Variants in WWOX observed in about 807,000 individuals in gnomAD.
The protein encoded by WWOX is WW domain containing oxidoreductase, also known as WW domain-containing oxidoreductase.
A neutral mutation model predicts 46.2 loss-of-function variants in WWOX; 69 were observed. The ratio of observed to expected loss-of-function variants is 1.49; its 90% CI spans 1.23 to 1.82. The LOEUF (loss-of-function observed/expected upper bound fraction) is 1.82, where lower values mean the gene tolerates loss of function less well. Among genes scored for constraint, WWOX ranks in the 40% most tolerant of loss-of-function variants. The pLI is 0.00. For missense variants in WWOX, 919 were observed against 542.6 expected (o/e 1.69, Z -6.89); for synonymous variants, 359 against 202.6 (o/e 1.77, Z -6.56).
At chr16:78,643,034 A>C (rs2046757236) in intron 8 of WWOX, among the ~76,000 whole-genome samples, 1 of 152,148 alleles carries the variant, frequency 6.6e-6, no homozygotes, top group Non-Finnish European at 1.5e-5. Flanking sequence ...AGTAAATGTT[A>C]GTGCTACTAT....
At chr16:78,557,635 T>G (rs1195475222) in intron 8 of WWOX, among the ~76,000 whole-genome samples, 2 of 151,834 alleles carry the variant, frequency 1.3e-5, no homozygotes, top group African/African-American at 4.8e-5. Context: ...AAAACTGTCT[T>G]ATTTTTCATT....
chr16:78,629,405 CT>C (rs1345393705), intron 8 of WWOX, among the ~76,000 whole-genome samples: 1 of 152,104 alleles, frequency 6.6e-6, no homozygotes, highest in Non-Finnish European at 1.5e-5. Flanking sequence ...GGCATCTCTG[CT>C]TCCCCTCTTG....
chr16:79,009,951 C>G (rs892610509), intron 8 of WWOX, among the ~76,000 whole-genome samples: 1 of 152,160 alleles, frequency 6.6e-6, no homozygotes, highest in Non-Finnish European at 1.5e-5. Context: ...AACGTGTGAC[C>G]TTGGGCAAGT....
At chr16:78,727,545 C>G (rs552608813) in intron 8 of WWOX, among the ~76,000 whole-genome samples, 1 of 152,298 alleles carries the variant, frequency 6.6e-6, no homozygotes, top group East Asian at 1.9e-4. Context: ...AGGAGGGACA[C>G]AAGGTCTGGG....
intron 8 of WWOX, among the ~76,000 whole-genome samples, chr16:79,146,907 A>G (rs1050118019): frequency 1.3e-5 from 2 of 152,176 alleles, no homozygotes; most frequent in African/African-American, 4.8e-5. Context: ...TGTCTAGTTC[A>G]CTGATTTTTT....
chr16:79,105,334 C>G (rs575039513), intron 8 of WWOX, among the ~76,000 whole-genome samples: 1 of 152,098 alleles, frequency 6.6e-6, no homozygotes, highest in Non-Finnish European at 1.5e-5. Context: ...ATAACAAAAG[C>G]AGAACGGTCA....
At chr16:78,324,509 A>G (rs898091959) in intron 5 of WWOX, among the ~76,000 whole-genome samples, 6 of 152,170 alleles carry the variant, frequency 3.9e-5, no homozygotes, top group African/African-American at 1.4e-4. Flanking sequence ...TGTTCTTAAT[A>G]GCCAATAGGT....
intron 8 of WWOX, among the ~76,000 whole-genome samples, chr16:78,764,144 A>G (rs1361635988): frequency 6.6e-6 from 1 of 152,160 alleles, no homozygotes; most frequent in Non-Finnish European, 1.5e-5. Flanking sequence ...CCGAAAAGTC[A>G]CTGTGTTTCT....
chr16:78,793,011 CG>C (rs2050644775), intron 8 of WWOX, among the ~76,000 whole-genome samples: 1 of 152,160 alleles, frequency 6.6e-6, no homozygotes. Context: ...CCTTAAGATG[CG>C]GAATTTCCTT....
chr16:78,981,159 A>C (rs67870811), intron 8 of WWOX, among the ~76,000 whole-genome samples: 1 of 152,164 alleles, frequency 6.6e-6, no homozygotes, highest in African/African-American at 2.4e-5. Context: ...GTACTGCAGC[A>C]CTTTCCTAAA....
At chr16:78,387,689 C>T (rs759781578) in intron 6 of WWOX, among the ~76,000 whole-genome samples, 12 of 152,054 alleles carry the variant, frequency 7.9e-5, no homozygotes, top group Non-Finnish European at 1.2e-4. Context: ...TACTTTGTTT[C>T]CAAGTGTTTA....
At chr16:79,141,754 GTGTCC>G (rs2050093782) in intron 8 of WWOX, among the ~76,000 whole-genome samples, 1 of 152,088 alleles carries the variant, frequency 6.6e-6, no homozygotes, top group Non-Finnish European at 1.5e-5. Flanking sequence ...GAAGGAAGCA[GTGTCC>G]ATTAGGATGA....
At chr16:78,730,369 G>A (rs777184920) in intron 8 of WWOX, among the ~76,000 whole-genome samples, 1 of 151,252 alleles carries the variant, frequency 6.6e-6, no homozygotes, top group Non-Finnish European at 1.5e-5. Flanking sequence ...TATAAGCCAC[G>A]TGCTGGGATG....
chr16:78,837,045 G>C (rs895007988), intron 8 of WWOX, among the ~76,000 whole-genome samples: 29 of 152,056 alleles, frequency 1.9e-4, no homozygotes, highest in Non-Finnish European at 3.2e-4. Context: ...CCAGAGCCCA[G>C]ATTATATTAA....
chr16:78,385,207 T>C (rs1230258138), intron 5 of WWOX, among the ~76,000 whole-genome samples: 1 of 149,910 alleles, frequency 6.7e-6, no homozygotes, highest in African/African-American at 2.5e-5. Context: ...TTCTTTAGGA[T>C]CCTTCCCTCA....
chr16:78,238,062 A>C (rs1207048741), intron 5 of WWOX: 1 of 152,132 alleles, frequency 6.6e-6, no homozygotes, highest in Non-Finnish European at 1.5e-5. Flanking sequence ...GCTGGCCTCA[A>C]CCCTCAACTC....
intron 8 of WWOX, among the ~76,000 whole-genome samples, chr16:78,900,153 A>G (rs189946771): frequency 2.0e-5 from 3 of 151,518 alleles, no homozygotes; most frequent in Admixed American, 1.3e-4. Context: ...GGAGTCAGTA[A>G]CAAACCGTTC....
intron 8 of WWOX, among the ~76,000 whole-genome samples, chr16:79,068,536 G>T (rs1264915566): frequency 6.6e-6 from 1 of 152,060 alleles, no homozygotes; most frequent in Non-Finnish European, 1.5e-5. Context: ...GGTCACGGTG[G>T]CTCATGCCTG....
chr16:78,399,606 A>G (rs888775069), intron 6 of WWOX, among the ~76,000 whole-genome samples: 2 of 152,184 alleles, frequency 1.3e-5, no homozygotes, highest in South Asian at 4.1e-4. Flanking sequence ...AATGCAGCAA[A>G]TCCCCGGCGT....
Sources: gnomAD v4.1 joint callset for allele counts (sites outside exome capture counted in the v4.1 genomes callset) on GRCh38, gnomAD v4.1.1 for gene constraint, MANE v1.5 for transcripts, NCBI Gene and HGNC (gene_info 2026-07-23, HGNC 2026-07-21) for gene names.